GPR39: variants seen among roughly 807,000 people sequenced by gnomAD.
GPR39 encodes G protein-coupled receptor 39, also known as zinc sensing receptor.
In GPR39, 23 loss-of-function variants were observed where a neutral mutation model predicts 18.4. The ratio of observed to expected loss-of-function variants is 1.25; its 90% CI spans 0.90 to 1.77. GPR39 has a LOEUF of 1.77. Ranked by LOEUF, GPR39 falls within the 40% of genes most tolerant of loss-of-function variation. The pLI, the probability that GPR39 is intolerant of heterozygous loss-of-function variation, is 0.00. For missense variants in GPR39, 647 were observed against 602.4 expected, an observed-to-expected ratio of 1.07 and a Z score of -0.78; for synonymous variants, 280 against 257.9, an observed-to-expected ratio of 1.09 and a Z score of -0.82.
chr2:132,557,371 C>T (rs1234885450), intron 1 of GPR39, among the ~76,000 whole-genome samples: 2 of 152,110 alleles, frequency 1.3e-5, no homozygotes, highest in Non-Finnish European at 2.9e-5. Flanking sequence ...TCCCTCACAG[C>T]GTCTACCATG....
intron 1 of GPR39, among the ~76,000 whole-genome samples, chr2:132,563,861 G>A (rs947055014): frequency 2.0e-5 from 3 of 152,126 alleles, no homozygotes; most frequent in African/African-American, 4.8e-5. Context: ...TCTCAAACTT[G>A]GCTGCACATT....
At chr2:132,572,697 C>A (rs549056940) in intron 1 of GPR39, among the ~76,000 whole-genome samples, 2 of 152,166 alleles carry the variant, frequency 1.3e-5, no homozygotes, top group South Asian at 2.1e-4. Context: ...ACCATTCTCT[C>A]GGGCACTTTC....
Position 132,645,569 on chromosome 2 carries a change from C to G in GPR39, c.1325C>G (p.Ser442Cys), listed in dbSNP as rs770359662. The G allele has an allele frequency of 5.6e-6, 9 of 1,613,902 alleles. No individual in the cohort carries two copies. The Admixed American group carries it at 1.0e-4, about 18-fold the overall frequency. The change falls in exon 2 of 2, where the codon TCT becomes TGT. Residue 442 changes from serine (S) to cysteine (C), a missense_variant. This residue lies in a region of GPR39 where 581 missense variants were observed against 506.8 expected (regional missense o/e 1.15). Transcript: ENST00000329321. Reference protein sequence around the residue: ...EPNSGAKPANSAAENGFQEHE... With the variant: ...EPNSGAKPANCAAENGFQEHE... ...AACTCAGGCGCGAAACCAGCCAATT[C>G]TGCTGCAGAGAATGGTTTTCAGGAG...
chr2:132,489,966 G>C lies in GPR39; in HGVS notation c.856+72068G>C, dbSNP rs955042452. On this transcript the variant is annotated intron_variant, in intron 1 of 1. Coordinates refer to ENST00000329321, the MANE Select transcript of GPR39 (RefSeq NM_001508.3). ...AGGATCAGCTCTGGGAGGCCCCAGAGAGAGTTTATGGTGAGCAGAATCCTC... is the reference window on the plus strand; with the variant it reads ...AGGATCAGCTCTGGGAGGCCCCAGACAGAGTTTATGGTGAGCAGAATCCTC... Among the ~76,000 whole-genome samples the C allele has an allele frequency of 4.1e-4, 63 of 151,964 alleles. 3 individuals are homozygous for C. Among genetic ancestry groups the C allele is most frequent in the African/African-American group, 1.5e-3 (61 of 41,284 alleles).
intron 1 of GPR39, among the ~76,000 whole-genome samples, chr2:132,553,990 T>A (rs1680101435): frequency 6.6e-6 from 1 of 152,218 alleles, no homozygotes; most frequent in African/African-American, 2.4e-5. Flanking sequence ...CATGATTTCC[T>A]GGAAGGCAAC....
intron 1 of GPR39, among the ~76,000 whole-genome samples, chr2:132,531,372 C>A (rs999880262): frequency 1.3e-5 from 2 of 151,874 alleles, no homozygotes; most frequent in African/African-American, 2.4e-5. Context: ...TAGTGACCTG[C>A]AAAGAGACTT....
chr2:132,436,820 C>T (rs1485588348), intron 1 of GPR39, among the ~76,000 whole-genome samples: 3 of 152,182 alleles, frequency 2.0e-5, no homozygotes, highest in African/African-American at 7.2e-5. Flanking sequence ...AATCAGATAA[C>T]AGCAGTGTGT....
At chr2:132,594,146 G>A (rs73955746) in intron 1 of GPR39, among the ~76,000 whole-genome samples, 3,045 of 152,160 alleles carry the variant, frequency 0.02, 99 homozygotes, top group African/African-American at 0.069. Flanking sequence ...CCTTATCACT[G>A]GGGGACCCGT....
chr2:132,537,634 G>A (rs1331930078), intron 1 of GPR39, among the ~76,000 whole-genome samples: 1 of 151,728 alleles, frequency 6.6e-6, no homozygotes, highest in African/African-American at 2.4e-5. Context: ...ATCCTGAAGT[G>A]TGTTTTCCAA....
chr2:132,574,116 A>G (rs1558844839), intron 1 of GPR39, among the ~76,000 whole-genome samples: 3 of 152,228 alleles, frequency 2.0e-5, no homozygotes, highest in Admixed American at 6.5e-5. Context: ...AGGATATACC[A>G]TGCTGTATTT....
intron 1 of GPR39, among the ~76,000 whole-genome samples, chr2:132,502,292 C>A (rs939418393): frequency 1.3e-5 from 2 of 152,042 alleles, no homozygotes; most frequent in Admixed American, 6.5e-5. Context: ...ATTCTCTCAG[C>A]GTTTGTTTGT....
chr2:132,621,118 G>A (rs889276849), intron 1 of GPR39, among the ~76,000 whole-genome samples: 2 of 152,118 alleles, frequency 1.3e-5, no homozygotes, highest in Non-Finnish European at 2.9e-5. Flanking sequence ...TGTCTCCGGT[G>A]CTTGAGTAGT....
At chr2:132,579,438 G>C (rs183850623) in intron 1 of GPR39, among the ~76,000 whole-genome samples, 3 of 152,120 alleles carry the variant, frequency 2.0e-5, no homozygotes, top group Non-Finnish European at 4.4e-5. Flanking sequence ...TTCTGTTGCT[G>C]TGTGGAGTGT....
chr2:132,636,307 C>T lies in GPR39; in HGVS notation c.857-8794C>T, dbSNP rs78544095. Among the ~76,000 whole-genome samples the T allele has an allele frequency of 3.3e-4, 50 of 152,310 alleles. No individual in the cohort carries two copies. The East Asian group carries it at 9.5e-3, about 29-fold the overall frequency. On this transcript the variant is annotated intron_variant, in intron 1 of 1. Transcript: ENST00000329321. ...GTGCTCCACCCATGCTGGGCCTCCCCAGGTTGGGTTGGAAGGCCAGGCCCT... is the reference window on the plus strand; with the variant it reads ...GTGCTCCACCCATGCTGGGCCTCCCTAGGTTGGGTTGGAAGGCCAGGCCCT...
chr2:132,589,255 A>G (rs1680785957), intron 1 of GPR39, among the ~76,000 whole-genome samples: 1 of 152,050 alleles, frequency 6.6e-6, no homozygotes, highest in African/African-American at 2.4e-5. Context: ...GTTACTAAGC[A>G]GTTACCTGGC....
intron 1 of GPR39, among the ~76,000 whole-genome samples, chr2:132,591,250 T>C (rs1573685874): frequency 1.0e-5 from 1 of 100,268 alleles, no homozygotes; most frequent in African/African-American, 4.2e-5. Context: ...AGAGCGAGAC[T>C]CCGTCTCAAA....
intron 1 of GPR39, among the ~76,000 whole-genome samples, chr2:132,433,356 G>A (rs891182333): frequency 6.6e-6 from 1 of 152,122 alleles, no homozygotes; most frequent in Admixed American, 6.5e-5. Flanking sequence ...GTAAGCTTAA[G>A]TGTTCCTAGT....
chr2:132,554,416 CT>C (rs2104798126), intron 1 of GPR39, among the ~76,000 whole-genome samples: 1 of 152,298 alleles, frequency 6.6e-6, no homozygotes, highest in African/African-American at 2.4e-5. Flanking sequence ...TCTCACTTAT[CT>C]GCTTCAAACT....
chr2:132,472,843 A>G (rs1681057858), intron 1 of GPR39, among the ~76,000 whole-genome samples: 2 of 152,022 alleles, frequency 1.3e-5, no homozygotes, highest in South Asian at 4.2e-4. Flanking sequence ...TCAAGGTCAA[A>G]TGTTAGTTTC....
Sources: gnomAD v4.1 joint callset for allele counts (sites outside exome capture counted in the v4.1 genomes callset) on GRCh38, gnomAD v4.1.1 for gene constraint, gnomAD v4.1.1 regional missense constraint, MANE v1.5 for transcripts, NCBI Gene and HGNC (gene_info 2026-07-23, HGNC 2026-07-21) for gene names.